The following PLCL2 variants were observed in gnomAD, a reference collection of about 807,000 sequenced individuals.
The protein encoded by PLCL2 is inactive phospholipase C-like protein 2.
A neutral mutation model predicts 79.6 loss-of-function variants in PLCL2; 4 were observed. The observed-to-expected ratio is 0.05, with a 90% CI of 0.02 to 0.11. The LOEUF (loss-of-function observed/expected upper bound fraction) is 0.11. PLCL2 is among the 10% of genes least tolerant of loss of function. The probability of loss-of-function intolerance (pLI) is 1.00; values close to 1 mark genes in which losing one functional copy is unlikely to be tolerated. For missense variants in PLCL2, 895 were observed against 1,291.0 expected (o/e 0.69, Z 4.70); for synonymous variants, 484 against 457.7 (o/e 1.06, Z -0.73).
At chr3:17,082,492 T>C (rs1423093915) in intron 5 of PLCL2, among the ~76,000 whole-genome samples, 1 of 152,136 alleles carries the variant, frequency 6.6e-6, no homozygotes, top group Non-Finnish European at 1.5e-5. Context: ...CATGTAGTCT[T>C]AGACACATAG....
chr3:17,015,054 G>C (rs1400197624), intron 3 of PLCL2, 143 bp downstream of exon 3: 6 of 654,382 alleles, frequency 9.2e-6, no homozygotes, highest in African/African-American at 1.8e-5. Flanking sequence ...TAATTCCCCT[G>C]ACCTTGCTGT....
rs759803733 is a variant in PLCL2, at chr3:16,970,268, G to A, written c.328-39406G>A. 4.3e-4 allele frequency among the ~76,000 whole-genome samples: 64 copies of A among 150,210 alleles called. 1 individual carries two copies. Among genetic ancestry groups the A allele is most frequent in the Non-Finnish European group, 3.8e-4 (26 of 67,804 alleles). On this transcript the variant is annotated intron_variant, in intron 1 of 5. Transcript: ENST00000615277. ...GATGTTCCCCTTCCTGTGTCCATGT[G>A]TTCTCATTGTTCAATTCCCACCAAT...
In PLCL2 at chr3:17,090,242, T is replaced by C. The variant is rs1273997288; in HGVS notation, c.*330T>C. ...CCTAAGTGAAAACAATTTCTTAAGA[T>C]GGAAATGGATTGGATTGTCAAATTA... On this transcript the variant is annotated 3_prime_UTR_variant, in exon 6 of 6. Coordinates refer to ENST00000615277, the MANE Select transcript of PLCL2 (RefSeq NM_001144382.2). 1 of 998,362 alleles carries C rather than the reference T, an allele frequency of 1.0e-6. No individual in the cohort carries two copies. The highest frequency in any genetic ancestry group is 1.2e-6 in the Non-Finnish European group (1 of 836,418). 61.8% of individuals were successfully genotyped at this position (998,362 alleles called of 1,614,324 possible).
rs563369848 is a variant in PLCL2 at position 17,031,930 on chromosome 3, T to A, written c.3019-10944T>A. Among the ~76,000 whole-genome samples the A allele has an allele frequency of 8.7e-4, 69 of 79,766 alleles. No homozygotes were observed. The South Asian group carries it at 9.6e-3, about 11-fold the overall frequency. 52.3% of individuals were successfully genotyped at this position (79,766 alleles called of 152,430 possible). On this transcript the variant is annotated intron_variant, in intron 3 of 5. Transcript: ENST00000615277. ...TCTGTTTTGTTGCTCAATTTTCACCTTTTTTTTTTTTTTTTTTTTGCTTTT... is the reference window on the plus strand; with the variant it reads ...TCTGTTTTGTTGCTCAATTTTCACCATTTTTTTTTTTTTTTTTTTGCTTTT...
At chr3:16,892,758 A>G (rs1338328868) in intron 1 of PLCL2, among the ~76,000 whole-genome samples, 1 of 152,184 alleles carries the variant, frequency 6.6e-6, no homozygotes, top group African/African-American at 2.4e-5. Context: ...GCATCGTCTC[A>G]TGCAAGTCTC....
At chr3:17,087,629 G>A (rs2065233852) in intron 5 of PLCL2, among the ~76,000 whole-genome samples, 1 of 152,136 alleles carries the variant, frequency 6.6e-6, no homozygotes, top group Non-Finnish European at 1.5e-5. Context: ...AAAACCAAGG[G>A]TGAGCCCTAA....
At chr3:16,964,910 C>G (rs1244371927) in intron 1 of PLCL2, among the ~76,000 whole-genome samples, 1 of 152,002 alleles carries the variant, frequency 6.6e-6, no homozygotes, top group Non-Finnish European at 1.5e-5. Flanking sequence ...ATTGTAGATG[C>G]TGGATATTAG....
At chr3:16,895,907 T>TTGGAG (rs1440128502) in intron 1 of PLCL2, among the ~76,000 whole-genome samples, 1 of 152,104 alleles carries the variant, frequency 6.6e-6, no homozygotes, top group Non-Finnish European at 1.5e-5. Context: ...CTAAACTAAT[T>TTGGAG]TGGAGTGGTA....
At chr3:16,974,968 T>A (rs1356385127) in intron 1 of PLCL2, among the ~76,000 whole-genome samples, 2 of 152,154 alleles carry the variant, frequency 1.3e-5, no homozygotes, top group Non-Finnish European at 2.9e-5. Context: ...TTCTGTTTAG[T>A]TTCGGTTCTG....
intron 1 of PLCL2, among the ~76,000 whole-genome samples, chr3:16,946,953 C>CT (rs1056023349): frequency 0.02 from 1,930 of 95,306 alleles, 148 homozygotes; most frequent in African/African-American, 0.076. Flanking sequence ...AAGTTTCATT[C>CT]TTTTTTTTTT....
rs4602367 is a variant in PLCL2 at position 17,012,007 on chromosome 3, A to G, written c.2661A>G (p.Gly887=). ...HVAITNRRGG[G]KPHKRGLSVR... is the part of the protein sequence containing the mutation. Reference sequence around the variant, plus strand: ...CTATTACTAACCGAAGAGGAGGAGGAAAGCCTCATAAAAGGGGCCTTTCTG... The same window carrying G: ...CTATTACTAACCGAAGAGGAGGAGGGAAGCCTCATAAAAGGGGCCTTTCTG... The change falls in exon 2 of 6, where the codon GGA becomes GGG. Residue 887 remains glycine, a synonymous_variant. Coordinates refer to ENST00000615277, the MANE Select transcript of PLCL2 (RefSeq NM_001144382.2). 0.54 allele frequency: 870,238 copies of G among 1,613,576 alleles called. 237,223 individuals are homozygous for G. Among genetic ancestry groups the G allele is most frequent in the African/African-American group, 0.64 (48,278 of 74,956 alleles).
chr3:17,078,221 G>A (rs1042857001), intron 5 of PLCL2, among the ~76,000 whole-genome samples: 5 of 152,088 alleles, frequency 3.3e-5, no homozygotes, highest in Admixed American at 6.6e-5. Flanking sequence ...TGGCTGTTTC[G>A]GTTATCTATT....
chr3:17,079,836 A>G (rs991829709), intron 5 of PLCL2, among the ~76,000 whole-genome samples: 1 of 152,188 alleles, frequency 6.6e-6, no homozygotes, highest in Non-Finnish European at 1.5e-5. Flanking sequence ...GCCCAAATAT[A>G]GGCAAAAAGT....
intron 1 of PLCL2, among the ~76,000 whole-genome samples, chr3:16,934,896 T>C (rs1466169094): frequency 6.6e-6 from 1 of 152,244 alleles, no homozygotes; most frequent in African/African-American, 2.4e-5. Context: ...TAACATATTA[T>C]TCTTGCATCT....
chr3:16,959,545 C>T (rs575736693), intron 1 of PLCL2, among the ~76,000 whole-genome samples: 3 of 152,096 alleles, frequency 2.0e-5, no homozygotes, highest in Non-Finnish European at 4.4e-5. Flanking sequence ...TTTTCCTTCT[C>T]TCTGACTGCG....
chr3:17,090,031 A>C lies in PLCL2; in HGVS notation c.*119A>C, dbSNP rs1040895254. 1 of 1,423,884 alleles carries C rather than the reference A, an allele frequency of 7.0e-7. No individual in the cohort carries two copies. Among genetic ancestry groups the C allele is most frequent in the African/African-American group, 1.4e-5 (1 of 69,526 alleles). The allele number at this position is 1,423,884 out of a possible 1,614,324, so 88.2% of individuals were successfully genotyped here. A position where few individuals can be genotyped will look rare whatever the true frequency, so the allele number is the denominator to read the frequency against. ...ATTCGGGATTTTAAAGCACAACTGGAATAGCTAATTACAGTCTATTAAAAC... is the reference window on the plus strand; with the variant it reads ...ATTCGGGATTTTAAAGCACAACTGGCATAGCTAATTACAGTCTATTAAAAC... On this transcript the variant is annotated 3_prime_UTR_variant, in exon 6 of 6. Transcript: ENST00000615277.
intron 1 of PLCL2, among the ~76,000 whole-genome samples, chr3:16,998,117 C>T (rs2064172444): frequency 6.6e-6 from 1 of 152,158 alleles, no homozygotes; most frequent in South Asian, 2.1e-4. Flanking sequence ...TTCCTTCTCA[C>T]TCCTGCATCA....
intron 1 of PLCL2, among the ~76,000 whole-genome samples, chr3:16,983,011 A>G (rs1258828688): frequency 6.6e-6 from 1 of 152,120 alleles, no homozygotes; most frequent in Non-Finnish European, 1.5e-5. Context: ...TTCCATGGCA[A>G]TAGTATATTT....
chr3:17,069,688 G>A (rs1004138507), intron 5 of PLCL2, among the ~76,000 whole-genome samples: 5 of 152,070 alleles, frequency 3.3e-5, no homozygotes, highest in South Asian at 2.1e-4. Context: ...TCCATCCTTG[G>A]AGCTGACAAT....
Sources: allele counts gnomAD v4.1 joint callset (sites outside exome capture counted in the v4.1 genomes callset), GRCh38; gene constraint gnomAD v4.1.1; transcripts MANE v1.5; gene names NCBI Gene and HGNC (gene_info 2026-07-23, HGNC 2026-07-21).